The following DLGAP1 variants were observed in gnomAD, a reference collection of about 807,000 sequenced individuals.
The protein encoded by DLGAP1 is disks large-associated protein 1.
DLGAP1 carries 11 observed loss-of-function variants against 90.8 expected under a neutral mutation model. The observed-to-expected ratio is 0.12, with a 90% CI of 0.08 to 0.20. DLGAP1 has a LOEUF of 0.20. Among genes scored for constraint, DLGAP1 ranks in the 10% least tolerant of loss-of-function variants. The probability of loss-of-function intolerance (pLI) is 1.00; values close to 1 mark genes in which losing one functional copy is unlikely to be tolerated. For synonymous variants in DLGAP1, 558 were observed against 540.7 expected (o/e 1.03, Z -0.44); for missense variants, 1,050 against 1,333.8 (o/e 0.79, Z 3.31).
At chr18:3,720,888 C>CCAAAAAAAAA (rs1441095000) in intron 7 of DLGAP1, among the ~76,000 whole-genome samples, 1,044 of 50,242 alleles carry the variant, frequency 0.021, 139 homozygotes, top group African/African-American at 0.081. Flanking sequence ...CTTGTCTCTA[C>CCAAAAAAAAA]AAAAAAAAAA....
rs80236756 is a variant in DLGAP1 at position 3,664,671 on chromosome 18, C to T, written c.1591+64464G>A. Among the ~76,000 whole-genome samples, 302 of 152,240 alleles carry T rather than the reference C, an allele frequency of 2.0e-3. 3 individuals carry two copies. Among genetic ancestry groups the T allele is most frequent in the African/African-American group, 7.0e-3 (291 of 41,536 alleles). On this transcript the variant is annotated intron_variant, in intron 7 of 12. Transcript: ENST00000315677. The stretch of plus-strand genomic sequence containing the variant: ...CAAGAACTGTCTCTTTCTTTCAGCG[C>T]AGTTATCTCTGTGATTATTTGATTG...
intron 2 of DLGAP1, among the ~76,000 whole-genome samples, chr18:4,085,692 T>C (rs1233986103): frequency 6.6e-6 from 1 of 152,146 alleles, no homozygotes; most frequent in Non-Finnish European, 1.5e-5. Flanking sequence ...CCTGCTTGAG[T>C]TCCGTCTTTG....
intron 7 of DLGAP1, among the ~76,000 whole-genome samples, chr18:3,685,268 A>G (rs1425160541): frequency 2.6e-5 from 4 of 152,266 alleles, no homozygotes; most frequent in South Asian, 2.1e-4. Flanking sequence ...CATGGTAAAA[A>G]TCCAAAGATG....
rs142976459 is a variant in DLGAP1, at chr18:4,306,081, GGAGA to G, written c.-267+148921_-267+148924del. On this transcript the variant is annotated intron_variant, in intron 1 of 12. Transcript: ENST00000315677. ...ACACACACACGGGGGAGAGGGGGGC[GGAGA>G]GAGAGAGAGAGAGAGAGGGAGAGAA... Among the ~76,000 whole-genome samples, 1,168 of 143,572 alleles carry G rather than the reference GGAGA, an allele frequency of 8.1e-3. 18 individuals are homozygous for G. The highest frequency in any genetic ancestry group is 0.027 in the African/African-American group (1,039 of 38,768). 94.2% of individuals were successfully genotyped at this position (143,572 alleles called of 152,430 possible). A position where few individuals can be genotyped will look rare whatever the true frequency, so the allele number is the denominator to read the frequency against.
At chr18:3,973,149 T>C (rs938153009) in intron 3 of DLGAP1, among the ~76,000 whole-genome samples, 2 of 152,146 alleles carry the variant, frequency 1.3e-5, no homozygotes, top group Admixed American at 6.5e-5. Flanking sequence ...CCAATCTTTA[T>C]TGAATACTTA....
At chr18:4,010,418 C>T (rs1277835858) in intron 2 of DLGAP1, among the ~76,000 whole-genome samples, 1 of 152,084 alleles carries the variant, frequency 6.6e-6, no homozygotes, top group Non-Finnish European at 1.5e-5. Context: ...TGTGGTGGCA[C>T]AAGCCTGTGG....
chr18:3,664,185 C>CACAT (rs748157490), intron 7 of DLGAP1, among the ~76,000 whole-genome samples: 29 of 99,038 alleles, frequency 2.9e-4, no homozygotes, highest in Non-Finnish European at 4.3e-4. Flanking sequence ...GGTCAGTATA[C>CACAT]ACACACACAC....
chr18:4,277,442 G>A (rs1243366088), intron 1 of DLGAP1, among the ~76,000 whole-genome samples: 1 of 152,134 alleles, frequency 6.6e-6, no homozygotes, highest in Non-Finnish European at 1.5e-5. Context: ...TGAACCCAAG[G>A]CTTGTTAGCA....
intron 2 of DLGAP1, among the ~76,000 whole-genome samples, chr18:4,035,913 A>C (rs2074880083): frequency 6.6e-6 from 1 of 152,016 alleles, no homozygotes; most frequent in South Asian, 2.1e-4. Flanking sequence ...CATTCGATTC[A>C]ATATTTACGA....
At chr18:4,269,890 C>T (rs2079236305) in intron 1 of DLGAP1, among the ~76,000 whole-genome samples, 1 of 152,140 alleles carries the variant, frequency 6.6e-6, no homozygotes, top group Non-Finnish European at 1.5e-5. Flanking sequence ...GAACTTATGT[C>T]TGTTTTAAAT....
chr18:3,865,832 C>T (rs1329321829), intron 4 of DLGAP1, among the ~76,000 whole-genome samples: 1 of 152,200 alleles, frequency 6.6e-6, no homozygotes, highest in Non-Finnish European at 1.5e-5. Context: ...GTATGGTAAA[C>T]ACAAGTCCAT....
At chr18:3,725,058 C>T (rs1033267965) in intron 7 of DLGAP1, among the ~76,000 whole-genome samples, 1 of 152,156 alleles carries the variant, frequency 6.6e-6, no homozygotes, top group Non-Finnish European at 1.5e-5. Context: ...TTTAATACCT[C>T]CCTATCTCTT....
intron 3 of DLGAP1, among the ~76,000 whole-genome samples, chr18:4,002,442 T>TCTC (rs140440632): frequency 6.6e-6 from 1 of 152,126 alleles, no homozygotes; most frequent in African/African-American, 2.4e-5. Flanking sequence ...CTCTTCTCCC[T>TCTC]CATCAGCCTA....
intron 1 of DLGAP1, among the ~76,000 whole-genome samples, chr18:4,189,894 A>T (rs2077364834): frequency 6.6e-6 from 1 of 152,156 alleles, no homozygotes. Context: ...GGAAAAAATG[A>T]ATCTAGACAC....
chr18:3,912,691 T>C (rs1048070819), intron 3 of DLGAP1, among the ~76,000 whole-genome samples: 4 of 152,238 alleles, frequency 2.6e-5, no homozygotes, highest in African/African-American at 9.6e-5. Flanking sequence ...TGGAAACATA[T>C]GGAACTGTGG....
chr18:4,353,799 G>C (rs2081447923), intron 1 of DLGAP1, among the ~76,000 whole-genome samples: 1 of 151,912 alleles, frequency 6.6e-6, no homozygotes, highest in Non-Finnish European at 1.5e-5. Context: ...TCTTAATCCT[G>C]AAGTTTAGTG....
chr18:4,224,925 C>T (rs2078154315), intron 1 of DLGAP1, among the ~76,000 whole-genome samples: 3 of 152,124 alleles, frequency 2.0e-5, no homozygotes, highest in Admixed American at 2.0e-4. Flanking sequence ...GGTCTTAGTG[C>T]ATTCACAGTG....
intron 2 of DLGAP1, among the ~76,000 whole-genome samples, chr18:4,101,814 A>G (rs557651205): frequency 2.0e-4 from 30 of 152,054 alleles, no homozygotes; most frequent in Non-Finnish European, 4.1e-4. Context: ...ACATGAATAT[A>G]GATCTGTAAC....
intron 1 of DLGAP1, among the ~76,000 whole-genome samples, chr18:4,418,184 A>G (rs2082945817): frequency 6.6e-6 from 1 of 152,188 alleles, no homozygotes; most frequent in Non-Finnish European, 1.5e-5. Context: ...AAACCCCTGC[A>G]CTAAAGGCCC....
Sources: allele counts gnomAD v4.1 joint callset (sites outside exome capture counted in the v4.1 genomes callset), GRCh38; gene constraint gnomAD v4.1.1; transcripts MANE v1.5; gene names NCBI Gene and HGNC (gene_info 2026-07-23, HGNC 2026-07-21).